LHPP: variants seen among roughly 807,000 people sequenced by gnomAD.
The protein encoded by LHPP is phospholysine phosphohistidine inorganic pyrophosphate phosphatase, also known as hLHPP.
LHPP carries 24 observed loss-of-function variants against 30.3 expected under a neutral mutation model. The ratio of observed to expected loss-of-function variants is 0.79; its 90% confidence interval spans 0.57 to 1.11. LHPP has a LOEUF of 1.11. Ranked by LOEUF, LHPP falls within the 50% of genes most tolerant of loss-of-function variation. The pLI, the probability that LHPP is intolerant of heterozygous loss-of-function variation, is 0.00. For missense variants in LHPP, 356 were observed against 367.2 expected, an observed-to-expected ratio of 0.97 and a Z score of 0.25; for synonymous variants, 150 against 157.1, an observed-to-expected ratio of 0.95 and a Z score of 0.34.
intron 1 of LHPP, among the ~76,000 whole-genome samples, chr10:124,470,657 C>CAACAAT (rs1952701668): frequency 6.9e-6 from 1 of 144,448 alleles, no homozygotes; most frequent in African/African-American, 2.6e-5. Context: ...GTAACAACAA[C>CAACAAT]AACAACAACA....
rs545510153 is a variant in LHPP, at chr10:124,470,081, G to T, written c.125+8094G>T. Among the ~76,000 whole-genome samples, 145 of 152,334 alleles carry T rather than the reference G, an allele frequency of 9.5e-4. 1 individual carries two copies. Among genetic ancestry groups the T allele is most frequent in the African/African-American group, 3.4e-3 (141 of 41,582 alleles). On this transcript the variant is annotated intron_variant, in intron 1 of 6. Coordinates refer to ENST00000368842, the MANE Select transcript of LHPP (RefSeq NM_022126.4). ...GGCCGGAGGACATCTGTAACCGGCC[G>T]TGTCCCCCCAACAGGCCCTTTATTG...
At chr10:124,610,210 C>A (rs1028933635) in intron 6 of LHPP, among the ~76,000 whole-genome samples, 5 of 152,230 alleles carry the variant, frequency 3.3e-5, no homozygotes, top group Admixed American at 3.3e-4. Context: ...ATCGTAGACA[C>A]CCTGTGTGGC....
chr10:124,611,971 G>T (rs772471346), intron 6 of LHPP, among the ~76,000 whole-genome samples: 9 of 152,138 alleles, frequency 5.9e-5, no homozygotes, highest in African/African-American at 2.2e-4. Context: ...GTTTGCAGAC[G>T]GGCCGCTCCC....
chr10:124,559,909 T>C (rs186293698), intron 6 of LHPP, among the ~76,000 whole-genome samples: 3 of 152,350 alleles, frequency 2.0e-5, no homozygotes, highest in African/African-American at 7.2e-5. Flanking sequence ...TGCCAAGTGC[T>C]CCCTGCAATG....
At chr10:124,505,702 T>C (rs1589805057) in intron 5 of LHPP, among the ~76,000 whole-genome samples, 1 of 152,164 alleles carries the variant, frequency 6.6e-6, no homozygotes, top group African/African-American at 2.4e-5. Context: ...CAGTGGATGG[T>C]TTTATAGCTT....
intron 5 of LHPP, among the ~76,000 whole-genome samples, chr10:124,499,029 G>A (rs1056629918): frequency 6.7e-6 from 1 of 149,420 alleles, no homozygotes; most frequent in Non-Finnish European, 1.5e-5. Flanking sequence ...CTACAGGTGT[G>A]CACCACCACA....
chr10:124,546,144 C>T (rs2133951495), intron 6 of LHPP: 1 of 152,530 alleles, frequency 6.6e-6, no homozygotes, highest in East Asian at 1.9e-4. Context: ...GGGTGCGCCC[C>T]AGACCCAAGA....
At chr10:124,477,778 G>A (rs115428487) in intron 1 of LHPP, among the ~76,000 whole-genome samples, 2,202 of 152,294 alleles carry the variant, frequency 0.014, 40 homozygotes, top group African/African-American at 0.049. Context: ...TCAAATTCCA[G>A]CCTCACTTTG....
intron 6 of LHPP, among the ~76,000 whole-genome samples, chr10:124,575,709 C>T (rs1010520737): frequency 6.6e-6 from 1 of 152,166 alleles, no homozygotes; most frequent in Admixed American, 6.5e-5. Context: ...CACTCCTGCA[C>T]CAGCTTCCCT....
intron 6 of LHPP, among the ~76,000 whole-genome samples, chr10:124,594,199 G>T (rs1046834548): frequency 6.6e-6 from 1 of 151,934 alleles, no homozygotes; most frequent in Admixed American, 6.6e-5. Context: ...GCATGATGGT[G>T]CATGCCTATA....
intron 6 of LHPP, among the ~76,000 whole-genome samples, chr10:124,606,536 A>T (rs966570707): frequency 4.6e-5 from 7 of 152,228 alleles, no homozygotes; most frequent in Admixed American, 3.3e-4. Flanking sequence ...CCCCAGGTGC[A>T]GGGGAAACGC....
intron 6 of LHPP, among the ~76,000 whole-genome samples, chr10:124,554,731 G>A (rs965485352): frequency 1.3e-5 from 2 of 152,198 alleles, no homozygotes; most frequent in Non-Finnish European, 2.9e-5. Context: ...TTAGCTTGGC[G>A]GGTCCCAGGG....
Position 124,592,726 on chromosome 10 carries a change from G to A in LHPP, c.717-20538G>A, listed in dbSNP as rs1948896673. 6.6e-6 allele frequency among the ~76,000 whole-genome samples: 1 copy of A among 152,230 alleles called. No individual in the cohort carries two copies. The highest frequency in any genetic ancestry group is 1.5e-5 in the Non-Finnish European group (1 of 68,040). Reference sequence around the variant, plus strand: ...CCCAGTAAACGGTGGGACAGGACCAGGGTCTGAGGAAAAGCAAAGCAGTGT... The same window carrying A: ...CCCAGTAAACGGTGGGACAGGACCAAGGTCTGAGGAAAAGCAAAGCAGTGT... On this transcript the variant is annotated intron_variant, in intron 6 of 6. Coordinates refer to ENST00000368842, the MANE Select transcript of LHPP (RefSeq NM_022126.4). The surrounding 1 kb of genome is among the most constrained non-coding windows in gnomAD (Gnocchi z 6.2).
intron 5 of LHPP, among the ~76,000 whole-genome samples, chr10:124,504,713 G>A (rs1487643847): frequency 1.3e-5 from 2 of 152,142 alleles, no homozygotes; most frequent in Non-Finnish European, 2.9e-5. Context: ...GGCATTGCTG[G>A]TGATATTTGG....
Position 124,523,299 on chromosome 10 carries a change from T to A in LHPP, c.716+6028T>A, listed in dbSNP as rs1260890777. The stretch of plus-strand genomic sequence containing the variant: ...AGCTGTGGCCTGGGTGCTGAAGGGG[T>A]TTCCCCCCAGTGGGGTGGCCAGCCG... On this transcript the variant is annotated intron_variant, in intron 6 of 6. Coordinates refer to ENST00000368842, the MANE Select transcript of LHPP (RefSeq NM_022126.4). This position sits in a 1 kb window ranked among gnomAD's most constrained non-coding sequence, Gnocchi z 4.2. Among the ~76,000 whole-genome samples, 1 of 151,938 alleles carries A rather than the reference T, an allele frequency of 6.6e-6. No homozygotes were observed. The highest frequency in any genetic ancestry group is 2.4e-5 in the African/African-American group (1 of 41,328).
Position 124,570,682 on chromosome 10 carries a change from G to A in LHPP, c.717-42582G>A, listed in dbSNP as rs554166086. Among the ~76,000 whole-genome samples, 9 of 152,206 alleles carry A rather than the reference G, an allele frequency of 5.9e-5. No homozygotes were observed. In the East Asian group the frequency reaches 1.2e-3, roughly 20 times the overall value. Reference sequence around the variant, plus strand: ...AGCCTCTTTCAATCTCTGTGGATTCGCCCGCTCTGGGCATTTCATGTAAAT... The same window carrying A: ...AGCCTCTTTCAATCTCTGTGGATTCACCCGCTCTGGGCATTTCATGTAAAT... On this transcript the variant is annotated intron_variant, in intron 6 of 6. Coordinates refer to ENST00000368842, the MANE Select transcript of LHPP (RefSeq NM_022126.4).
intron 6 of LHPP, among the ~76,000 whole-genome samples, chr10:124,546,534 C>G (rs1230044291): frequency 1.3e-5 from 2 of 152,194 alleles, no homozygotes; most frequent in African/African-American, 2.4e-5. Flanking sequence ...TCCCGAGTAG[C>G]TGGGACTACA....
At chr10:124,466,760 A>G (rs1356315014) in intron 1 of LHPP, among the ~76,000 whole-genome samples, 1 of 151,670 alleles carries the variant, frequency 6.6e-6, no homozygotes, top group South Asian at 2.1e-4. Context: ...CCCAGCCTGC[A>G]TATCATTTTT....
chr10:124,568,407 C>T (rs1948527561), intron 6 of LHPP, among the ~76,000 whole-genome samples: 1 of 152,198 alleles, frequency 6.6e-6, no homozygotes, highest in African/African-American at 2.4e-5. Flanking sequence ...GACCATTCCC[C>T]GGCCTCTGCC....
Sources: allele counts gnomAD v4.1 joint callset (sites outside exome capture counted in the v4.1 genomes callset), GRCh38; gene constraint gnomAD v4.1.1; non-coding constraint Gnocchi (gnomAD v3.1); transcripts MANE v1.5; gene names NCBI Gene and HGNC (gene_info 2026-07-23, HGNC 2026-07-21).